The following PLXNA4 variants were observed in gnomAD, a reference collection of about 807,000 sequenced individuals.
PLXNA4 encodes the protein plexin-A4.
PLXNA4 carries 44 observed loss-of-function variants against 191.8 expected under a neutral mutation model. The ratio of observed to expected loss-of-function variants is 0.23; its 90% CI spans 0.18 to 0.29. The LOEUF is 0.29. PLXNA4 is among the 10% of genes least tolerant of loss of function. The pLI is 1.00. For missense variants in PLXNA4, 1,800 were observed against 2,488.8 expected, an observed-to-expected ratio of 0.72 and a Z score of 5.89; for synonymous variants, 1,082 against 1,009.5, an observed-to-expected ratio of 1.07 and a Z score of -1.36.
At chr7:132,151,828 G>A (rs1795654623) in intron 25 of PLXNA4, among the ~76,000 whole-genome samples, 1 of 152,076 alleles carries the variant, frequency 6.6e-6, no homozygotes, top group Admixed American at 6.5e-5. Flanking sequence ...AGGAGAGAGG[G>A]TGGAGTATAA....
chr7:132,188,933 C>T (rs995393008), intron 14 of PLXNA4, among the ~76,000 whole-genome samples: 1 of 102,588 alleles, frequency 9.7e-6, no homozygotes, highest in African/African-American at 3.4e-5. Context: ...TTAAAGTATC[C>T]CCACCAACCT....
intron 3 of PLXNA4, among the ~76,000 whole-genome samples, chr7:132,337,595 C>A (rs1416705541): frequency 6.6e-6 from 1 of 152,174 alleles, no homozygotes; most frequent in African/African-American, 2.4e-5. Context: ...TTCTAAGAAA[C>A]AACGTTTACA....
At chr7:132,199,104 ATTTAAATTCCAAGGTACC>A (rs1797351487) in intron 12 of PLXNA4, among the ~76,000 whole-genome samples, 1 of 152,078 alleles carries the variant, frequency 6.6e-6, no homozygotes, top group Non-Finnish European at 1.5e-5. Flanking sequence ...TTCTCTCTCC[ATTTAAATTCCAAGGTACC>A]TTCTTTGTGC....
intron 3 of PLXNA4, among the ~76,000 whole-genome samples, chr7:132,451,640 C>A (rs1175622590): frequency 1.3e-5 from 2 of 152,214 alleles, no homozygotes; most frequent in Non-Finnish European, 1.5e-5. Flanking sequence ...GGGTAAAGGG[C>A]AGTGAGCTGA....
At chr7:132,495,683 G>A (rs1449844763) in intron 2 of PLXNA4, among the ~76,000 whole-genome samples, 1 of 152,128 alleles carries the variant, frequency 6.6e-6, no homozygotes, top group Non-Finnish European at 1.5e-5. Context: ...GTATCATCTA[G>A]CCTCATACTC....
In PLXNA4 at chr7:132,227,591, G is replaced by A. The variant is rs373660056; in HGVS notation, c.1742C>T (p.Thr581Met). ...SQYNVLLVLE[T>M]YNVPELSAGV... ...AGCTGACAGCTCCGGGACATTGTACGTCTCCAGGACCAGCTGTGAACAGCC... is the reference window on the plus strand; with the variant it reads ...AGCTGACAGCTCCGGGACATTGTACATCTCCAGGACCAGCTGTGAACAGCC... The change falls in exon 7 of 32, where the codon ACG becomes ATG. Residue 581 changes from threonine (T) to methionine (M), a missense_variant. Physicochemically the swap from Thr to Met is moderately conservative, Grantham distance 81 (BLOSUM62 -1). Coordinates refer to ENST00000321063, the MANE Select transcript of PLXNA4 (RefSeq NM_020911.2). 1.1e-4 allele frequency: 176 copies of A among 1,614,040 alleles called. No homozygotes were observed. The highest frequency in any genetic ancestry group is 3.3e-4 in the Middle Eastern group (2 of 6,084).
At chr7:132,160,753 C>T (rs1300221218) in intron 24 of PLXNA4, among the ~76,000 whole-genome samples, 1 of 152,152 alleles carries the variant, frequency 6.6e-6, no homozygotes, top group Non-Finnish European at 1.5e-5. Flanking sequence ...TAAGCATTTC[C>T]CAATTGTCCC....
chr7:132,518,448 T>G (rs1041843799), intron 1 of PLXNA4, among the ~76,000 whole-genome samples: 1 of 152,190 alleles, frequency 6.6e-6, no homozygotes, highest in Non-Finnish European at 1.5e-5. Context: ...ATGGGAGCCC[T>G]CCTTCCGGTG....
intron 25 of PLXNA4, among the ~76,000 whole-genome samples, chr7:132,152,107 T>C (rs188517602): frequency 5.3e-5 from 8 of 152,296 alleles, no homozygotes; most frequent in African/African-American, 1.9e-4. Flanking sequence ...TGGAGCGCTC[T>C]TGCACGACTT....
intron 3 of PLXNA4, among the ~76,000 whole-genome samples, chr7:132,481,620 C>A (rs900445372): frequency 2.0e-5 from 3 of 152,162 alleles, no homozygotes; most frequent in Non-Finnish European, 4.4e-5. Context: ...TCAGTAGTTC[C>A]CTCTGCACCA....
At chr7:132,362,813 A>G (rs1241262079) in intron 3 of PLXNA4, among the ~76,000 whole-genome samples, 1 of 152,196 alleles carries the variant, frequency 6.6e-6, no homozygotes, top group Non-Finnish European at 1.5e-5. Context: ...ACTAATGTAC[A>G]TATATGAATT....
At chr7:132,556,637 T>C (rs1257421440) in intron 1 of PLXNA4, among the ~76,000 whole-genome samples, 1 of 152,250 alleles carries the variant, frequency 6.6e-6, no homozygotes, top group Non-Finnish European at 1.5e-5. Context: ...GCTCCCCTGC[T>C]TCTGGAGCCT....
intron 3 of PLXNA4, among the ~76,000 whole-genome samples, chr7:132,332,466 G>T (rs1444068068): frequency 6.6e-6 from 1 of 152,182 alleles, no homozygotes; most frequent in Admixed American, 6.5e-5. Context: ...AAGCCAGTGG[G>T]AAGGGCGGGA....
chr7:132,428,281 C>G (rs1434606709), intron 3 of PLXNA4, among the ~76,000 whole-genome samples: 1 of 152,222 alleles, frequency 6.6e-6, no homozygotes, highest in Non-Finnish European at 1.5e-5. Context: ...AGCAGGGACC[C>G]CATTCTACCC....
chr7:132,387,798 C>T (rs946071484), intron 3 of PLXNA4, among the ~76,000 whole-genome samples: 2 of 152,130 alleles, frequency 1.3e-5, no homozygotes, highest in Non-Finnish European at 2.9e-5. Context: ...ATCTTGTCTA[C>T]TTAGCTGGTT....
Position 132,507,518 on chromosome 7 carries a change from G to T in PLXNA4, c.1176C>A (p.Pro392=), listed in dbSNP as rs762610114. 1 of 1,611,512 alleles carries T rather than the reference G, an allele frequency of 6.2e-7. No homozygotes were observed. Among genetic ancestry groups the T allele is most frequent in the South Asian group, 1.1e-5 (1 of 90,578 alleles). ...TCCCTGTACTCACCGCACTGCTGCA[G>T]GGGATGTCCTTCACCTTGAGCCAGG... The part of the protein sequence containing the change: ...DLAWLKVKDI[P]CSSALLTIDD... Residue 392 remains proline, a synonymous_variant, in exon 2 of 32, where the codon CCC becomes CCA. Coordinates refer to ENST00000321063, the MANE Select transcript of PLXNA4 (RefSeq NM_020911.2).
At chr7:132,136,206 T>C (rs1795108386) in intron 30 of PLXNA4, among the ~76,000 whole-genome samples, 1 of 152,204 alleles carries the variant, frequency 6.6e-6, no homozygotes, top group Non-Finnish European at 1.5e-5. Flanking sequence ...CTCGCTCCTG[T>C]TGTGCCGGCC....
chr7:132,371,007 G>T (rs566786708), intron 3 of PLXNA4, among the ~76,000 whole-genome samples: 3 of 152,188 alleles, frequency 2.0e-5, no homozygotes, highest in Admixed American at 6.5e-5. Flanking sequence ...GTGGGCAGAG[G>T]CAGAGGTCAG....
At chr7:132,643,547 T>A (rs1735750316) in intron 2 of PLXNA4, among the ~76,000 whole-genome samples, 1 of 152,114 alleles carries the variant, frequency 6.6e-6, no homozygotes, top group African/African-American at 2.4e-5. Context: ...AACTGCTCTT[T>A]GTGGTTAAAA....
Sources: allele counts gnomAD v4.1 joint callset (sites outside exome capture counted in the v4.1 genomes callset), GRCh38; gene constraint gnomAD v4.1.1; transcripts MANE v1.5; gene names NCBI Gene and HGNC (gene_info 2026-07-23, HGNC 2026-07-21).